The following EPB41L3 variants were observed in gnomAD, a reference collection of about 807,000 sequenced individuals.
EPB41L3 encodes the protein band 4.1-like protein 3.
Under a neutral mutation model 127.1 loss-of-function variants are expected in EPB41L3, and 57 were observed. The ratio of observed to expected loss-of-function variants is 0.45; its 90% CI spans 0.36 to 0.56. The LOEUF is 0.56. Among genes scored for constraint, EPB41L3 ranks in the 20% least tolerant of loss-of-function variants. EPB41L3 has a pLI of 0.00. For missense variants in EPB41L3, 1,273 were observed against 1,372.2 expected (o/e 0.93, Z 1.14); for synonymous variants, 572 against 549.5 (o/e 1.04, Z -0.57).
chr18:5,620,640 T>C (rs2094850077), intron 1 of EPB41L3, among the ~76,000 whole-genome samples: 1 of 152,232 alleles, frequency 6.6e-6, no homozygotes, highest in African/African-American at 2.4e-5. Flanking sequence ...TCATACATTT[T>C]GTGAAAGAAA....
intron 1 of EPB41L3, among the ~76,000 whole-genome samples, chr18:5,519,694 A>T (rs2092907860): frequency 6.6e-6 from 1 of 152,210 alleles, no homozygotes; most frequent in East Asian, 1.9e-4. Flanking sequence ...GACCGGGACA[A>T]ATCTTGCTTT....
At position 5,416,018 on chromosome 18, in the gene EPB41L3, G is replaced by A. The variant is rs2076764408; in HGVS notation, c.1867C>T (p.His623Tyr). Residue 623 changes from histidine (H) to tyrosine (Y), a missense_variant, in exon 13 of 23, where the codon CAT (histidine) becomes TAT (tyrosine). Physicochemically the swap from His to Tyr is moderately conservative, Grantham distance 83. Coordinates refer to ENST00000341928, the MANE Select transcript of EPB41L3 (RefSeq NM_012307.5). The stretch of plus-strand genomic sequence containing the variant: ...GACGGTGAGCGGATCGGGAGGTAAT[G>A]CTGCAAGCTCTGGGGCAGGAGGTTG... ...ETNLLPQSLQ[H>Y]YLPIRSPSLV... is the part of the protein sequence containing the mutation. 1.9e-6 allele frequency: 3 copies of A among 1,613,984 alleles called. No individual in the cohort carries two copies. The highest frequency in any genetic ancestry group is 2.5e-6 in the Non-Finnish European group (3 of 1,179,984).
At position 5,486,832 on chromosome 18, in the gene EPB41L3, G is replaced by T. The variant is rs1204111523; in HGVS notation, c.183+2169C>A. Among the ~76,000 whole-genome samples, 12 of 152,188 alleles carry T rather than the reference G, an allele frequency of 7.9e-5. No individual in the cohort carries two copies. In the South Asian group the frequency reaches 1.5e-3, roughly 18 times the overall value. On this transcript the variant is annotated intron_variant, in intron 2 of 22. Coordinates refer to ENST00000341928, the MANE Select transcript of EPB41L3 (RefSeq NM_012307.5). ...ATCAAAAAGACAGGCAGTAATAGAT[G>T]CTGGCAAGGATGTGGGGAAAGGAGA...
At chr18:5,447,869 T>G (rs527864642) in intron 3 of EPB41L3, among the ~76,000 whole-genome samples, 1 of 152,336 alleles carries the variant, frequency 6.6e-6, no homozygotes, top group South Asian at 2.1e-4. Context: ...TTACTGAATA[T>G]TTTAAACATA....
At chr18:5,510,990 G>A (rs116400133) in intron 1 of EPB41L3, among the ~76,000 whole-genome samples, 1,950 of 151,908 alleles carry the variant, frequency 0.013, 60 homozygotes, top group African/African-American at 0.045. Context: ...ATAACTACAC[G>A]GTACCTGTGT....
intron 3 of EPB41L3, among the ~76,000 whole-genome samples, chr18:5,573,452 C>G (rs115766651): frequency 0.013 from 1,944 of 152,236 alleles, 38 homozygotes; most frequent in African/African-American, 0.044. Flanking sequence ...AGTAGCTATA[C>G]GGAGGAAATG....
intron 1 of EPB41L3, among the ~76,000 whole-genome samples, chr18:5,506,808 C>CATTAG (rs1271836739): frequency 6.6e-6 from 1 of 152,124 alleles, no homozygotes; most frequent in African/African-American, 2.4e-5. Flanking sequence ...AGCAGGTCCT[C>CATTAG]ATTAGATTAT....
chr18:5,626,717 G>GACTT (rs1312081939), intron 1 of EPB41L3, among the ~76,000 whole-genome samples: 2 of 152,180 alleles, frequency 1.3e-5, no homozygotes, highest in Non-Finnish European at 2.9e-5. Context: ...AGTGGACTGT[G>GACTT]ACTTATCTCA....
chr18:5,586,623 A>C (rs76586534), intron 3 of EPB41L3, among the ~76,000 whole-genome samples: 16,071 of 147,744 alleles, frequency 0.11, 972 homozygotes, highest in Middle Eastern at 0.16. Flanking sequence ...GCTGGTCTCA[A>C]ACTCCTAGGT....
intron 3 of EPB41L3, among the ~76,000 whole-genome samples, chr18:5,550,670 T>G (rs1940996): frequency 0.027 from 4,145 of 152,244 alleles, 156 homozygotes; most frequent in African/African-American, 0.084. Context: ...CCAGAAGGCT[T>G]CTTCTATCAG....
intron 3 of EPB41L3, chr18:5,466,309 C>T (rs1284975100): frequency 6.6e-6 from 1 of 152,222 alleles, no homozygotes; most frequent in Non-Finnish European, 1.5e-5. Flanking sequence ...CCTCTCTCCA[C>T]ATGCCAATCA....
At chr18:5,475,241 G>A (rs781093835) in intron 3 of EPB41L3, among the ~76,000 whole-genome samples, 3 of 152,146 alleles carry the variant, frequency 2.0e-5, no homozygotes, top group Non-Finnish European at 4.4e-5. Flanking sequence ...TTAAGAATAT[G>A]CCACATCCCA....
intron 1 of EPB41L3, among the ~76,000 whole-genome samples, chr18:5,516,543 C>T (rs1294929218): frequency 6.6e-6 from 1 of 152,204 alleles, no homozygotes; most frequent in African/African-American, 2.4e-5. Context: ...ATCACGTCCG[C>T]TGAAGGCAAA....
chr18:5,514,258 A>G (rs1379451500), intron 1 of EPB41L3, among the ~76,000 whole-genome samples: 1 of 152,222 alleles, frequency 6.6e-6, no homozygotes, highest in Non-Finnish European at 1.5e-5. Flanking sequence ...TGCAAAGTTC[A>G]TCTTCCCTTC....
intron 6 of EPB41L3, among the ~76,000 whole-genome samples, chr18:5,434,624 G>A (rs181576840): frequency 8.5e-5 from 13 of 152,260 alleles, no homozygotes; most frequent in South Asian, 2.1e-4. Flanking sequence ...GCTTAGTGAC[G>A]TCATAGCTAT....
chr18:5,445,250 G>A lies in EPB41L3; in HGVS notation c.382-6C>T. 6.2e-7 allele frequency: 1 copy of A among 1,609,728 alleles called. No individual in the cohort carries two copies. Among genetic ancestry groups the A allele is most frequent in the Non-Finnish European group, 8.5e-7 (1 of 1,176,630 alleles). ...ACTTGTCCTCTGGAGCGTTTCTACA[G>A]AAAACAGAATAGCAAAGCAAGTCAA... On this transcript the variant is annotated splice_region_variant and splice_polypyrimidine_tract_variant and intron_variant, in intron 3 of 22. Transcript: ENST00000341928.
chr18:5,584,984 A>G (rs1210993281), intron 3 of EPB41L3, among the ~76,000 whole-genome samples: 2 of 152,232 alleles, frequency 1.3e-5, no homozygotes, highest in African/African-American at 4.8e-5. Flanking sequence ...TGCCTTGTGT[A>G]GAGGAGGTAC....
chr18:5,400,920 A>T (rs930181455), intron 16 of EPB41L3: 2 of 1,168,496 alleles, frequency 1.7e-6, no homozygotes, highest in Admixed American at 2.0e-5. Flanking sequence ...ATGACACTGA[A>T]GTCTGAAGAC....
At chr18:5,442,449 T>C (rs1243215775) in intron 5 of EPB41L3, among the ~76,000 whole-genome samples, 1 of 152,198 alleles carries the variant, frequency 6.6e-6, no homozygotes, top group Non-Finnish European at 1.5e-5. Context: ...TTTGTCTTTC[T>C]GGGATATTAC....
Sources: gnomAD v4.1 joint callset for allele counts (sites outside exome capture counted in the v4.1 genomes callset) on GRCh38, gnomAD v4.1.1 for gene constraint, MANE v1.5 for transcripts, NCBI Gene and HGNC (gene_info 2026-07-23, HGNC 2026-07-21) for gene names.